RAVER2: variants seen among roughly 807,000 people sequenced by gnomAD.
RAVER2 encodes ribonucleoprotein PTB-binding 2.
RAVER2 carries 46 observed loss-of-function variants against 78.1 expected under a neutral mutation model. The ratio of observed to expected loss-of-function variants is 0.59; its 90% CI spans 0.46 to 0.75. RAVER2 has a LOEUF of 0.75. Among genes scored for constraint, RAVER2 ranks in the 30% least tolerant of loss-of-function variants. The pLI is 0.00. For missense variants in RAVER2, 793 were observed against 837.5 expected (o/e 0.95, Z 0.66); for synonymous variants, 311 against 313.3 (o/e 0.99, Z 0.08).
At chr1:64,774,700 C>T (rs1360756145) in intron 2 of RAVER2, among the ~76,000 whole-genome samples, 1 of 152,002 alleles carries the variant, frequency 6.6e-6, no homozygotes, top group East Asian at 1.9e-4. Flanking sequence ...TAGTTTTTTC[C>T]AATTCTGTGA....
At chr1:64,763,116 T>A (rs969725162) in intron 1 of RAVER2, among the ~76,000 whole-genome samples, 1 of 151,944 alleles carries the variant, frequency 6.6e-6, no homozygotes, top group Non-Finnish European at 1.5e-5. Flanking sequence ...GAGACCATCC[T>A]GGCTAACACG....
chr1:64,777,790 G>C, exon 3 of RAVER2: 2 of 1,614,032 alleles, frequency 1.2e-6, no homozygotes, highest in Non-Finnish European at 1.7e-6. Flanking sequence ...TGAAGAACTT[G>C]TTCGTGCTTA....
chr1:64,764,380 G>GA (rs139683002), intron 1 of RAVER2, among the ~76,000 whole-genome samples: 18 of 146,428 alleles, frequency 1.2e-4, no homozygotes, highest in South Asian at 2.2e-4. Flanking sequence ...TGGGAAAAGG[G>GA]AAAAAAAAAC....
chr1:64,797,556 C>T (rs1452074985), intron 5 of RAVER2, among the ~76,000 whole-genome samples: 1 of 152,058 alleles, frequency 6.6e-6, no homozygotes, highest in Admixed American at 6.6e-5. Context: ...GTCTACTTTT[C>T]CTTTCAGTTC....
intron 1 of RAVER2, among the ~76,000 whole-genome samples, chr1:64,767,602 G>A (rs1652208630): frequency 6.6e-6 from 1 of 152,154 alleles, no homozygotes; most frequent in East Asian, 1.9e-4. Context: ...AGAACAGGTT[G>A]GCTGTAACTC....
chr1:64,799,827 C>T (rs987543383), intron 5 of RAVER2, among the ~76,000 whole-genome samples: 8 of 152,098 alleles, frequency 5.3e-5, no homozygotes, highest in African/African-American at 1.7e-4. Context: ...GAGAAACCAT[C>T]GTACTGTTTT....
chr1:64,800,359 G>A (rs1653227221), intron 5 of RAVER2, among the ~76,000 whole-genome samples: 1 of 151,966 alleles, frequency 6.6e-6, no homozygotes, highest in South Asian at 2.1e-4. Context: ...TAACATCTTT[G>A]CCCAGATCAG....
chr1:64,830,183 T>G (rs1366737127), intron 11 of RAVER2, among the ~76,000 whole-genome samples: 3 of 152,228 alleles, frequency 2.0e-5, no homozygotes, highest in Non-Finnish European at 4.4e-5. Context: ...TGAGCAGTGC[T>G]ACACCATCTG....
intron 5 of RAVER2, among the ~76,000 whole-genome samples, chr1:64,794,163 C>G (rs1274138231): frequency 6.6e-6 from 1 of 152,082 alleles, no homozygotes; most frequent in African/African-American, 2.4e-5. Flanking sequence ...GTAATCCCAG[C>G]ACTTTGGGAG....
At chr1:64,809,237 A>T (rs1057441171) in intron 9 of RAVER2, among the ~76,000 whole-genome samples, 1 of 152,162 alleles carries the variant, frequency 6.6e-6, no homozygotes, top group Admixed American at 6.5e-5. Flanking sequence ...TGTGAATGTC[A>T]TATCACCAAA....
chr1:64,831,879 C>T (rs745418838), exon 12 of RAVER2: 7 of 152,168 alleles, frequency 4.6e-5, no homozygotes, highest in Non-Finnish European at 8.8e-5. Flanking sequence ...GTCTGTGGCA[C>T]TCTTACGCTA....
chr1:64,763,002 T>C (rs1652062508), intron 1 of RAVER2, among the ~76,000 whole-genome samples: 1 of 152,206 alleles, frequency 6.6e-6, no homozygotes, highest in Non-Finnish European at 1.5e-5. Context: ...GAGACTGATA[T>C]CCAGAATTTA....
Position 64,745,555 on chromosome 1 carries a change from G to A in RAVER2, c.249+134G>A. The A allele has an allele frequency of 1.7e-6, 2 of 1,186,408 alleles. No individual in the cohort carries two copies. The highest frequency in any genetic ancestry group is 2.2e-6 in the Non-Finnish European group (2 of 912,338). 73.5% of individuals were successfully genotyped at this position (1,186,408 alleles called of 1,614,324 possible). On this transcript the variant is annotated intron_variant, in intron 1 of 11. Coordinates refer to ENST00000294428, the Ensembl canonical transcript of RAVER2. The surrounding 1 kb of genome is among the most constrained non-coding windows in gnomAD (Gnocchi z 4.3). ...CGCCGAGTGGTGAGAGCGGCCCCTC[G>A]GTTTGACTGAGTTCTTGGGGTTTCT...
At chr1:64,784,924 C>T (rs1652736827) in intron 4 of RAVER2, among the ~76,000 whole-genome samples, 1 of 152,202 alleles carries the variant, frequency 6.6e-6, no homozygotes, top group Admixed American at 6.5e-5. Flanking sequence ...CTTTTCTCAT[C>T]TCTCTGATTA....
At chr1:64,754,909 G>T (rs1292849940) in intron 1 of RAVER2, among the ~76,000 whole-genome samples, 1 of 152,126 alleles carries the variant, frequency 6.6e-6, no homozygotes, top group Non-Finnish European at 1.5e-5. Context: ...CTTTATCTGG[G>T]CAAGAATATA....
At chr1:64,811,425 C>T (rs920135439) in intron 9 of RAVER2, among the ~76,000 whole-genome samples, 17 of 152,108 alleles carry the variant, frequency 1.1e-4, no homozygotes, top group African/African-American at 2.9e-4. Flanking sequence ...TCCTACAATC[C>T]ATAAAAATGC....
chr1:64,772,547 G>A (rs993321117), intron 2 of RAVER2, among the ~76,000 whole-genome samples: 1 of 152,040 alleles, frequency 6.6e-6, no homozygotes, highest in Non-Finnish European at 1.5e-5. Flanking sequence ...GCAATAATCC[G>A]AGCAATGTTC....
In RAVER2 at chr1:64,745,148, C is replaced by T. The variant is rs1339036579; in HGVS notation, c.-25C>T. 2.0e-6 allele frequency: 2 copies of T among 1,018,222 alleles called. No individual in the cohort carries two copies. The highest frequency in any genetic ancestry group is 3.5e-5 in the African/African-American group (2 of 57,586). 63.1% of individuals were successfully genotyped at this position (1,018,222 alleles called of 1,614,324 possible). ...GCTTCCCCTGGAGCCTCCGAGGAGTCCGCAGCCGCTGGGCGCCCGGGAAGA... is the reference window on the plus strand; with the variant it reads ...GCTTCCCCTGGAGCCTCCGAGGAGTTCGCAGCCGCTGGGCGCCCGGGAAGA... On this transcript the variant is annotated 5_prime_UTR_variant, in exon 1 of 12. Transcript: ENST00000294428. This position sits in a 1 kb window ranked among gnomAD's most constrained non-coding sequence, Gnocchi z 4.3.
At chr1:64,759,718 G>C (rs1651967445) in intron 1 of RAVER2, among the ~76,000 whole-genome samples, 1 of 151,948 alleles carries the variant, frequency 6.6e-6, no homozygotes, top group South Asian at 2.1e-4. Context: ...GGGTTTCACT[G>C]TGTTAGCCAG....
Sources: gnomAD v4.1 joint callset for allele counts (sites outside exome capture counted in the v4.1 genomes callset) on GRCh38, gnomAD v4.1.1 for gene constraint, Gnocchi (gnomAD v3.1) non-coding constraint, MANE v1.5 for transcripts, NCBI Gene and HGNC (gene_info 2026-07-23, HGNC 2026-07-21) for gene names.